Variants in TEX9 observed in about 807,000 individuals in gnomAD.
TEX9 encodes the protein testis-expressed protein 9.
Under a neutral mutation model 59.6 loss-of-function variants are expected in TEX9, and 74 were observed. That is an observed-to-expected ratio of 1.24 (90% CI 1.03 to 1.51). The LOEUF is 1.51. TEX9 is among the 40% of genes most tolerant of loss of function. The pLI is 0.00. For missense variants in TEX9, 522 were observed against 447.8 expected (o/e 1.17, Z -1.49); for synonymous variants, 186 against 152.2 (o/e 1.22, Z -1.64).
chr15:56,435,225 A>T (rs1213292051), intron 12 of TEX9, among the ~76,000 whole-genome samples: 2 of 152,040 alleles, frequency 1.3e-5, no homozygotes, highest in Non-Finnish European at 2.9e-5. Flanking sequence ...GTATGTAGGA[A>T]AAGTCTCAAA....
intron 3 of TEX9, among the ~76,000 whole-genome samples, chr15:56,378,884 G>A (rs2047584899): frequency 6.6e-6 from 1 of 151,712 alleles, no homozygotes; most frequent in South Asian, 2.1e-4. Flanking sequence ...TGGGCAACAT[G>A]GTGAAACTCC....
intron 12 of TEX9, among the ~76,000 whole-genome samples, chr15:56,436,532 T>C (rs544624007): frequency 1.1e-4 from 17 of 151,936 alleles, no homozygotes; most frequent in Middle Eastern, 3.4e-3. Flanking sequence ...CACCCTAACA[T>C]CACAATTAAA....
chr15:56,345,898 G>A (rs72740578), intron 1 of TEX9, among the ~76,000 whole-genome samples: 10,583 of 152,184 alleles, frequency 0.07, 460 homozygotes, highest in Non-Finnish European at 0.1. Context: ...GATGTCCGTG[G>A]CTGGATTCTG....
upstream of TEX9, among the ~76,000 whole-genome samples, chr15:56,361,871 A>C (rs1421282305): frequency 3.9e-5 from 6 of 152,180 alleles, no homozygotes; most frequent in African/African-American, 1.4e-4. Flanking sequence ...GAAAGAGGCA[A>C]AGAAAGAGTC....
intron 12 of TEX9, among the ~76,000 whole-genome samples, chr15:56,436,080 T>C (rs2050719084): frequency 6.6e-6 from 1 of 152,116 alleles, no homozygotes; most frequent in African/African-American, 2.4e-5. Context: ...ATCCAGGAAT[T>C]GAACTCAGTT....
the TEX9 span, among the ~76,000 whole-genome samples, chr15:56,460,003 AAAAAAAATAC>A: frequency 3.0e-5 from 1 of 32,860 alleles, no homozygotes; most frequent in African/African-American, 1.1e-4. Flanking sequence ...AAAAAAAAAA[AAAAAAAATAC>A]ATATATATAT....
At chr15:56,280,831 T>C (rs1455171472) in intron 1 of TEX9, among the ~76,000 whole-genome samples, 5 of 152,176 alleles carry the variant, frequency 3.3e-5, no homozygotes. Flanking sequence ...GAAAAATCAA[T>C]GTTATTGCAA....
At chr15:56,415,202 G>A (rs1034673170) in intron 10 of TEX9, among the ~76,000 whole-genome samples, 9 of 150,990 alleles carry the variant, frequency 6.0e-5, no homozygotes, top group African/African-American at 1.2e-4. Flanking sequence ...TTACTCTGCC[G>A]ATCATTTATT....
At chr15:56,308,432 TAAGAGTG>T (rs1432088496) in intron 1 of TEX9, among the ~76,000 whole-genome samples, 5 of 152,198 alleles carry the variant, frequency 3.3e-5, no homozygotes, top group African/African-American at 4.8e-5. Flanking sequence ...TGTTGAGTTG[TAAGAGTG>T]CTTTATTCTG....
Position 56,343,190 on chromosome 15 carries a change from T to C in TEX9, c.-106-30251T>C, listed in dbSNP as rs544934827. Among the ~76,000 whole-genome samples, 129 of 152,238 alleles carry C rather than the reference T, an allele frequency of 8.5e-4. 2 individuals carry two copies. The highest frequency in any genetic ancestry group is 1.5e-3 in the Admixed American group (23 of 15,270). On this transcript the variant is annotated intron_variant, in intron 1 of 5. Transcript: ENST00000560827. ...AAGTTACTATAGAAATTAGAAAATA[T>C]CTGAACTGATTGATATTGAACATAT...
downstream of TEX9, among the ~76,000 whole-genome samples, chr15:56,448,711 T>G (rs1461652034): frequency 1.3e-5 from 2 of 152,004 alleles, no homozygotes; most frequent in African/African-American, 4.8e-5. Flanking sequence ...TGCATATGCT[T>G]TTTTTGGTAG....
chr15:56,279,862 T>G (rs1226145996), intron 1 of TEX9, among the ~76,000 whole-genome samples: 2 of 152,216 alleles, frequency 1.3e-5, no homozygotes, highest in Admixed American at 6.5e-5. Flanking sequence ...TGTCTACATA[T>G]AGTCTCCCAA....
chr15:56,303,864 A>G (rs2045417757), intron 1 of TEX9, among the ~76,000 whole-genome samples: 1 of 152,246 alleles, frequency 6.6e-6, no homozygotes, highest in Non-Finnish European at 1.5e-5. Flanking sequence ...GACTATTATG[A>G]GCAAGTATAT....
chr15:56,460,009 A>AAAAAAAAATATATATATAT, the TEX9 span, among the ~76,000 whole-genome samples: 12 of 26,386 alleles, frequency 4.5e-4, 3 homozygotes, highest in Admixed American at 5.6e-4. Context: ...AAAAAAAAAA[A>AAAAAAAAATATATATATAT]ATACATATAT....
intron 1 of TEX9, among the ~76,000 whole-genome samples, chr15:56,318,298 C>T (rs1393636850): frequency 1.3e-5 from 2 of 152,114 alleles, no homozygotes; most frequent in African/African-American, 4.8e-5. Context: ...ACGTCTATTT[C>T]ATCTGATATA....
intron 1 of TEX9, among the ~76,000 whole-genome samples, chr15:56,295,737 A>G (rs1273206559): frequency 6.6e-6 from 1 of 152,182 alleles, no homozygotes; most frequent in East Asian, 1.9e-4. Context: ...TCCTAAAGCC[A>G]CAGTCTTCTG....
At chr15:56,328,647 A>C (rs531147235) in intron 1 of TEX9, among the ~76,000 whole-genome samples, 55 of 152,204 alleles carry the variant, frequency 3.6e-4, no homozygotes, top group Non-Finnish European at 7.1e-4. Flanking sequence ...GCCTGGCAGT[A>C]AGCTTCAAGG....
At chr15:56,449,605 G>A (rs74660542), downstream of TEX9, among the ~76,000 whole-genome samples, 5 of 152,034 alleles carry the variant, frequency 3.3e-5, no homozygotes, top group African/African-American at 7.2e-5. Flanking sequence ...AATTGGGAAG[G>A]GCTTCCTCTT....
the TEX9 span, among the ~76,000 whole-genome samples, chr15:56,457,835 T>A: frequency 6.7e-6 from 1 of 150,312 alleles, no homozygotes; most frequent in Non-Finnish European, 1.5e-5. Flanking sequence ...AAAGCCTCCA[T>A]GCAATTATCA....
Sources: gnomAD v4.1 joint callset for allele counts (sites outside exome capture counted in the v4.1 genomes callset) on GRCh38, gnomAD v4.1.1 for gene constraint, MANE v1.5 for transcripts, NCBI Gene and HGNC (gene_info 2026-07-23, HGNC 2026-07-21) for gene names.